Variants in NAALADL2 observed in about 807,000 individuals in gnomAD.
NAALADL2 encodes N-acetylated alpha-linked acidic dipeptidase like 2.
A neutral mutation model predicts 87.2 loss-of-function variants in NAALADL2; 76 were observed. The observed-to-expected ratio is 0.87, with a 90% confidence interval of 0.72 to 1.05. NAALADL2 has a LOEUF of 1.05. Ranked by LOEUF, NAALADL2 falls within the 50% of genes least tolerant of loss-of-function variation. The pLI is 0.00. For synonymous variants in NAALADL2, 354 were observed against 331.0 expected (o/e 1.07, Z -0.75); for missense variants, 1,089 against 945.8 (o/e 1.15, Z -1.99).
chr3:174,859,322 C>T, upstream of NAALADL2: 2 of 943,786 alleles, frequency 2.1e-6, no homozygotes, highest in Non-Finnish European at 3.4e-6. Flanking sequence ...TACAATACTA[C>T]AGTAGAAAGT....
At chr3:175,769,768 G>T (rs1749236169) in intron 13 of NAALADL2, among the ~76,000 whole-genome samples, 1 of 152,012 alleles carries the variant, frequency 6.6e-6, no homozygotes, top group Non-Finnish European at 1.5e-5. Context: ...GTGTGTCTGT[G>T]TGTAATTTTA....
intron 3 of NAALADL2, among the ~76,000 whole-genome samples, chr3:174,788,244 A>G (rs1009330007): frequency 6.6e-6 from 1 of 152,174 alleles, no homozygotes; most frequent in Admixed American, 6.6e-5. Flanking sequence ...GGAATCACTT[A>G]GATCCAGCAA....
intron 13 of NAALADL2, among the ~76,000 whole-genome samples, chr3:175,766,024 T>C (rs900102964): frequency 2.0e-5 from 3 of 152,118 alleles, no homozygotes; most frequent in African/African-American, 4.8e-5. Context: ...AAATCACCAA[T>C]AAATTTAATG....
chr3:175,155,007 G>A (rs1035330333), intron 2 of NAALADL2, among the ~76,000 whole-genome samples: 1 of 152,134 alleles, frequency 6.6e-6, no homozygotes, highest in Non-Finnish European at 1.5e-5. Flanking sequence ...AAAGTGAAAA[G>A]GATTCCCTCA....
intron 2 of NAALADL2, among the ~76,000 whole-genome samples, chr3:174,559,747 T>A (rs1713350850): frequency 6.6e-6 from 1 of 152,182 alleles, no homozygotes; most frequent in Non-Finnish European, 1.5e-5. Context: ...GTCCCTTTTA[T>A]AAGGGTGGTA....
intron 6 of NAALADL2, among the ~76,000 whole-genome samples, chr3:175,450,637 G>A (rs1233262852): frequency 6.6e-6 from 1 of 152,134 alleles, no homozygotes. Flanking sequence ...TCCAGACTTG[G>A]ATTATCCTTG....
intron 3 of NAALADL2, among the ~76,000 whole-genome samples, chr3:174,816,203 A>T: frequency 6.6e-6 from 1 of 151,670 alleles, no homozygotes; most frequent in African/African-American, 2.4e-5. Flanking sequence ...CCTCTTCTTC[A>T]TCGTATCCTT....
chr3:175,297,694 C>CAGTTATTGAGT (rs1370476203), intron 4 of NAALADL2, among the ~76,000 whole-genome samples: 1 of 152,092 alleles, frequency 6.6e-6, no homozygotes, highest in East Asian at 1.9e-4. Flanking sequence ...CCATTACAGC[C>CAGTTATTGAGT]CATACTGCAG....
chr3:175,000,255 G>T (rs917046048), intron 1 of NAALADL2, among the ~76,000 whole-genome samples: 1 of 152,184 alleles, frequency 6.6e-6, no homozygotes, highest in African/African-American at 2.4e-5. Flanking sequence ...ATTGCATAAT[G>T]TCAGTACAGT....
chr3:174,752,603 A>G (rs1005374642), intron 3 of NAALADL2, among the ~76,000 whole-genome samples: 5 of 151,146 alleles, frequency 3.3e-5, no homozygotes, highest in African/African-American at 1.2e-4. Flanking sequence ...TTTATTTCAC[A>G]TAACCAGCTT....
rs202220008 is a variant in NAALADL2 at position 175,275,388 on chromosome 3, CT to C, written c.939+18866del. On this transcript the variant is annotated intron_variant, in intron 4 of 13. Transcript: ENST00000454872. The stretch of plus-strand genomic sequence containing the variant: ...TAAGATTCTTAAAAATTAATCAAGA[CT>C]TTTTTTTCTTACATATTTTCAGAAA... Among the ~76,000 whole-genome samples, 1,271 of 152,024 alleles carry C rather than the reference CT, an allele frequency of 8.4e-3. 12 individuals carry two copies. Among genetic ancestry groups the C allele is most frequent in the Non-Finnish European group, 0.012 (820 of 67,940 alleles).
At chr3:175,135,408 C>CA (rs1272163521) in intron 2 of NAALADL2, among the ~76,000 whole-genome samples, 2 of 133,772 alleles carry the variant, frequency 1.5e-5, no homozygotes, top group East Asian at 2.2e-4. Flanking sequence ...AGGCTTCTTT[C>CA]AAAAAATGAT....
intron 13 of NAALADL2, among the ~76,000 whole-genome samples, chr3:175,768,707 C>T (rs1749079215): frequency 6.6e-6 from 1 of 152,024 alleles, no homozygotes; most frequent in African/African-American, 2.4e-5. Context: ...AAAAAATTAG[C>T]TGGGCATGGT....
intron 4 of NAALADL2, among the ~76,000 whole-genome samples, chr3:175,261,376 T>C (rs1021005546): frequency 6.6e-6 from 1 of 152,138 alleles, no homozygotes; most frequent in Non-Finnish European, 1.5e-5. Context: ...TACTGTGTAC[T>C]ACAAGACAAC....
At chr3:175,667,223 GAAAGAAAGAAAGAAAGAA>G (rs1472791755) in intron 11 of NAALADL2, among the ~76,000 whole-genome samples, 2,557 of 126,920 alleles carry the variant, frequency 0.02, 68 homozygotes, top group African/African-American at 0.063. Context: ...AAGAAAGAAA[GAAAGAAAGAAAGAAAGAA>G]AAAGAAAGAA....
rs1750969396 is a variant in NAALADL2 at position 175,780,933 on chromosome 3, TTAA to T, written c.2190-22067_2190-22065del. On this transcript the variant is annotated intron_variant, in intron 13 of 13. Coordinates refer to ENST00000454872, the MANE Select transcript of NAALADL2 (RefSeq NM_207015.3). The stretch of plus-strand genomic sequence containing the variant: ...GTTCCTTGCCTTTGGGCTCAACTCT[TTAA>T]TAATCTTATTTATTTTCAAAAGGCA... Among the ~76,000 whole-genome samples, 24 of 152,298 alleles carry T rather than the reference TTAA, an allele frequency of 1.6e-4. 1 individual carries two copies. The South Asian group carries it at 4.8e-3, about 30-fold the overall frequency.
chr3:174,709,948 G>C (rs1730459360), intron 2 of NAALADL2, among the ~76,000 whole-genome samples: 1 of 152,142 alleles, frequency 6.6e-6, no homozygotes, highest in Non-Finnish European at 1.5e-5. Context: ...TTCATTCAAG[G>C]TGTATATCAT....
chr3:175,803,515 A>ACTAT lies in NAALADL2; in HGVS notation c.*315_*318dup, dbSNP rs1263366867. The ACTAT allele has an allele frequency of 5.3e-6, 1 of 187,768 alleles. No homozygotes were observed. The highest frequency in any genetic ancestry group is 1.2e-4 in the South Asian group (1 of 8,394). The allele number at this position is 187,768 out of a possible 1,614,324, so 11.6% of individuals were successfully genotyped here. ...AGGAAAAATTTCCAAGAAGTTCTGG[A>ACTAT]CTATCTTTGTTCCTATGGGGAGGGC... is the stretch of plus-strand genomic sequence containing the variant. On this transcript the variant is annotated 3_prime_UTR_variant, in exon 14 of 14. Coordinates refer to ENST00000454872, the MANE Select transcript of NAALADL2 (RefSeq NM_207015.3).
chr3:175,160,055 C>A (rs901744558), intron 2 of NAALADL2, among the ~76,000 whole-genome samples: 5 of 150,354 alleles, frequency 3.3e-5, no homozygotes, highest in Non-Finnish European at 7.4e-5. Flanking sequence ...GCCAGGCTGG[C>A]CTCGAACTCC....
Sources: allele counts gnomAD v4.1 joint callset (sites outside exome capture counted in the v4.1 genomes callset), GRCh38; gene constraint gnomAD v4.1.1; transcripts MANE v1.5; gene names NCBI Gene and HGNC (gene_info 2026-07-23, HGNC 2026-07-21).